FSTL5: variants seen among roughly 807,000 people sequenced by gnomAD.
The protein encoded by FSTL5 is follistatin like 5.
A neutral mutation model predicts 89.1 loss-of-function variants in FSTL5; 62 were observed. That is an observed-to-expected ratio of 0.70 (90% CI 0.57 to 0.86). FSTL5 has a LOEUF of 0.86. Ranked by LOEUF, FSTL5 falls within the 40% of genes least tolerant of loss-of-function variation. The pLI is 0.00. For synonymous variants in FSTL5, 383 were observed against 346.2 expected (o/e 1.11, Z -1.18); for missense variants, 1,057 against 1,001.6 (o/e 1.06, Z -0.75).
At chr4:161,443,134 G>A (rs1038498171) in intron 15 of FSTL5, among the ~76,000 whole-genome samples, 1 of 151,946 alleles carries the variant, frequency 6.6e-6, no homozygotes. Context: ...CAAAAAGCAA[G>A]TCTCTTTCCA....
chr4:161,940,777 A>G (rs896387450), intron 3 of FSTL5, among the ~76,000 whole-genome samples: 5 of 151,878 alleles, frequency 3.3e-5, no homozygotes, highest in Admixed American at 3.3e-4. Flanking sequence ...ATTTTGTGAC[A>G]GAAATGAAAG....
At chr4:162,142,046 T>C (rs1034038354) in intron 1 of FSTL5, among the ~76,000 whole-genome samples, 1 of 152,146 alleles carries the variant, frequency 6.6e-6, no homozygotes, top group African/African-American at 2.4e-5. Context: ...TTGTATCTAA[T>C]GGGTAGAGGT....
rs374570793 is a variant in FSTL5 at position 162,062,407 on chromosome 4, C to G, written c.127-28749G>C. 2.8e-4 allele frequency among the ~76,000 whole-genome samples: 42 copies of G among 151,930 alleles called. 2 individuals are homozygous for G. In the East Asian group the frequency reaches 7.7e-3, roughly 28 times the overall value. ...TTCTGCTCTTTGCTTAGTCCAATTT[C>G]TATTGGAATTTCCTGAAAATAAATT... On this transcript the variant is annotated intron_variant, in intron 2 of 15. Transcript: ENST00000306100.
chr4:161,711,277 T>G (rs1000430125), intron 6 of FSTL5, among the ~76,000 whole-genome samples: 1 of 151,692 alleles, frequency 6.6e-6, no homozygotes, highest in Admixed American at 6.6e-5. Flanking sequence ...GGGTTGGACT[T>G]ACCAAGAAAA....
chr4:161,635,182 T>C (rs1165512535), intron 7 of FSTL5, among the ~76,000 whole-genome samples: 2 of 151,540 alleles, frequency 1.3e-5, no homozygotes, highest in African/African-American at 2.4e-5. Context: ...AGGTCAGGAG[T>C]TCAAGACCAG....
chr4:161,466,695 C>T (rs1733758582), intron 13 of FSTL5, among the ~76,000 whole-genome samples: 1 of 151,956 alleles, frequency 6.6e-6, no homozygotes, highest in Admixed American at 6.6e-5. Context: ...GACATTCTTA[C>T]AAAAACTTTG....
chr4:161,555,917 C>T lies in FSTL5; in HGVS notation c.1016-13224G>A, dbSNP rs529368958. Among the ~76,000 whole-genome samples, 36 of 151,594 alleles carry T rather than the reference C, an allele frequency of 2.4e-4. 1 individual carries two copies. The South Asian group carries it at 7.0e-3, about 30-fold the overall frequency. On this transcript the variant is annotated intron_variant, in intron 8 of 15. Transcript: ENST00000306100. The stretch of plus-strand genomic sequence containing the variant: ...ATACCAACTGATTAGTAGAAATGAA[C>T]TTAGATGGGAATTGAACCTGTCTAA...
chr4:162,127,716 G>A (rs74850162), intron 1 of FSTL5, among the ~76,000 whole-genome samples: 20,824 of 151,876 alleles, frequency 0.14, 1,939 homozygotes, highest in Non-Finnish European at 0.19. Flanking sequence ...GGATAGAACT[G>A]AGACATTACT....
In FSTL5 at chr4:162,100,118, G is replaced by A. The variant is rs534605316; in HGVS notation, c.126+11153C>T. On this transcript the variant is annotated intron_variant, in intron 2 of 15. Coordinates refer to ENST00000306100, the MANE Select transcript of FSTL5 (RefSeq NM_020116.5). ...TATGTCCACAGAAAAATCTGCATGG[G>A]GATGTTTATAGCAGTTTTATTCATA... is the stretch of plus-strand genomic sequence containing the variant. 2.0e-5 allele frequency among the ~76,000 whole-genome samples: 3 copies of A among 152,256 alleles called. No homozygotes were observed. In the East Asian group the frequency reaches 5.8e-4, roughly 29 times the overall value.
intron 15 of FSTL5, among the ~76,000 whole-genome samples, chr4:161,427,502 C>T (rs766240262): frequency 1.3e-5 from 2 of 152,166 alleles, no homozygotes; most frequent in Non-Finnish European, 2.9e-5. Context: ...TTAGACTCTA[C>T]GTCAGTCTAA....
At chr4:161,836,382 C>T (rs2126867409) in intron 4 of FSTL5, among the ~76,000 whole-genome samples, 1 of 150,394 alleles carries the variant, frequency 6.6e-6, no homozygotes, top group Middle Eastern at 3.4e-3. Flanking sequence ...TGCAGCACAC[C>T]AGCATGACAC....
chr4:161,743,328 T>C (rs1385107992), intron 6 of FSTL5, among the ~76,000 whole-genome samples: 1 of 152,180 alleles, frequency 6.6e-6, no homozygotes, highest in Admixed American at 6.5e-5. Flanking sequence ...GGGACTCTTG[T>C]TGAAAACTGT....
chr4:161,489,762 A>G (rs1319395554), intron 12 of FSTL5, among the ~76,000 whole-genome samples: 1 of 152,304 alleles, frequency 6.6e-6, no homozygotes, highest in Middle Eastern at 3.4e-3. Context: ...TGAAAAATCA[A>G]TAAAATATTT....
intron 5 of FSTL5, among the ~76,000 whole-genome samples, chr4:161,763,884 C>A (rs1312147802): frequency 1.3e-5 from 2 of 152,258 alleles, no homozygotes; most frequent in East Asian, 3.9e-4. Flanking sequence ...GTATGCTTCT[C>A]CCATACAGTC....
At chr4:161,708,266 T>C (rs1738650843) in intron 6 of FSTL5, among the ~76,000 whole-genome samples, 1 of 152,034 alleles carries the variant, frequency 6.6e-6, no homozygotes, top group Non-Finnish European at 1.5e-5. Context: ...ACTTTTAAGC[T>C]TTTATAACAT....
At chr4:161,474,544 G>GTTTTTTTTTTTTT (rs147822987) in intron 13 of FSTL5, among the ~76,000 whole-genome samples, 1 of 121,844 alleles carries the variant, frequency 8.2e-6, no homozygotes, top group Non-Finnish European at 1.7e-5. Flanking sequence ...ATTGTGTAGT[G>GTTTTTTTTTTTTT]GTTTTTTTTT....
rs1731476263 is a variant in FSTL5, at chr4:161,849,285, C to G, written c.409+71119G>C. On this transcript the variant is annotated intron_variant, in intron 4 of 15. Coordinates refer to ENST00000306100, the MANE Select transcript of FSTL5 (RefSeq NM_020116.5). ...GATTGTGTTTTTTGGTTTTCTGCCT[C>G]CTTGCACATCCTGTGGTATCAGTTG... Among the ~76,000 whole-genome samples the G allele has an allele frequency of 2.0e-5, 3 of 152,170 alleles. No homozygotes were observed. The South Asian group carries it at 6.2e-4, about 32-fold the overall frequency.
At chr4:162,126,266 T>C (rs1265612149) in intron 1 of FSTL5, among the ~76,000 whole-genome samples, 1 of 152,066 alleles carries the variant, frequency 6.6e-6, no homozygotes, top group Non-Finnish European at 1.5e-5. Flanking sequence ...TCCCGTTCTT[T>C]GTATCTTAAA....
chr4:161,575,894 T>C (rs1289008397), intron 8 of FSTL5, among the ~76,000 whole-genome samples: 1 of 152,302 alleles, frequency 6.6e-6, no homozygotes, highest in East Asian at 1.9e-4. Context: ...TGTTTGGAGA[T>C]GACATGATTG....
Sources: allele counts gnomAD v4.1 joint callset (sites outside exome capture counted in the v4.1 genomes callset), GRCh38; gene constraint gnomAD v4.1.1; transcripts MANE v1.5; gene names NCBI Gene and HGNC (gene_info 2026-07-23, HGNC 2026-07-21).